DMRT1: variants seen among roughly 807,000 people sequenced by gnomAD.
The protein encoded by DMRT1 is doublesex- and mab-3-related transcription factor 1.
In DMRT1, 7 loss-of-function variants were observed where a neutral mutation model predicts 32.3. The observed-to-expected ratio is 0.22, with a 90% confidence interval of 0.12 to 0.41. The LOEUF is 0.41. DMRT1 is among the 10% of genes least tolerant of loss of function. DMRT1 has a pLI of 1.00. For synonymous variants in DMRT1, 278 were observed against 206.1 expected (o/e 1.35, Z -2.99); for missense variants, 625 against 500.5 (o/e 1.25, Z -2.37).
chr9:905,650 C>T (rs1233821931), intron 3 of DMRT1, among the ~76,000 whole-genome samples: 2 of 152,110 alleles, frequency 1.3e-5, no homozygotes, highest in African/African-American at 2.4e-5. Flanking sequence ...CCCGTTCTCC[C>T]GTTGACAGAA....
chr9:942,267 T>G (rs72701045), intron 4 of DMRT1, among the ~76,000 whole-genome samples: 8,351 of 152,190 alleles, frequency 0.055, 775 homozygotes, highest in African/African-American at 0.19. Flanking sequence ...AAGAGAAATA[T>G]CAATTTTCCT....
At chr9:883,294 T>C (rs1816803635) in intron 2 of DMRT1, among the ~76,000 whole-genome samples, 2 of 151,886 alleles carry the variant, frequency 1.3e-5, no homozygotes, top group South Asian at 2.1e-4. Context: ...CAAAAATCTC[T>C]TCCTGGGAGA....
intron 3 of DMRT1, 100 bp downstream of exon 3, chr9:894,295 G>A (rs998937938): frequency 1.1e-5 from 14 of 1,318,998 alleles, no homozygotes; most frequent in African/African-American, 4.4e-5. Flanking sequence ...GCACTTGTGC[G>A]CCCAGAGGCA....
intron 2 of DMRT1, among the ~76,000 whole-genome samples, chr9:858,368 T>C (rs1203438245): frequency 6.6e-6 from 1 of 152,134 alleles, no homozygotes; most frequent in African/African-American, 2.4e-5. Context: ...GTGTCATCAG[T>C]GTCACTTGCT....
intron 3 of DMRT1, among the ~76,000 whole-genome samples, chr9:901,859 A>T (rs990511723): frequency 6.7e-6 from 1 of 150,298 alleles, no homozygotes; most frequent in Non-Finnish European, 1.5e-5. Context: ...CCCTCACTCC[A>T]AGGCTGCCCT....
intron 1 of DMRT1, among the ~76,000 whole-genome samples, chr9:846,103 C>G (rs970014679): frequency 6.6e-6 from 1 of 150,630 alleles, no homozygotes; most frequent in African/African-American, 2.4e-5. Context: ...GCGATCTCGG[C>G]TCACTGCAAC....
Position 968,350 on chromosome 9 carries a change from C to G in DMRT1, c.*211C>G, listed in dbSNP as rs1249525236. On this transcript the variant is annotated 3_prime_UTR_variant, in exon 5 of 5. Coordinates refer to ENST00000382276, the MANE Select transcript of DMRT1 (RefSeq NM_021951.3). Reference sequence around the variant, plus strand: ...ATCTGCATGGTTTAAGTGCTTTACTCACGGAGTTTAAATAATAGTGTTCAT... The same window carrying G: ...ATCTGCATGGTTTAAGTGCTTTACTGACGGAGTTTAAATAATAGTGTTCAT... 2 of 566,890 alleles carry G rather than the reference C, an allele frequency of 3.5e-6. No individual in the cohort carries two copies. The highest frequency in any genetic ancestry group is 6.2e-6 in the Non-Finnish European group (2 of 320,732). 35.1% of individuals were successfully genotyped at this position (566,890 alleles called of 1,614,324 possible). A position where few individuals can be genotyped will look rare whatever the true frequency, so the allele number is the denominator to read the frequency against.
At chr9:876,650 G>T (rs1390930233) in intron 2 of DMRT1, among the ~76,000 whole-genome samples, 3 of 151,752 alleles carry the variant, frequency 2.0e-5, no homozygotes, top group African/African-American at 7.3e-5. Context: ...TCCCCACTCA[G>T]CCTCCTGAGT....
rs71327351 is a variant in DMRT1, at chr9:866,163, CAAAAAAAAAAAA to C, written c.538+19032_538+19043del. The stretch of plus-strand genomic sequence containing the variant: ...TGGGTGACAGAGTGAGAGTCCATCT[CAAAAAAAAAAAA>C]AAAAAAAAAAAGACAGTGGTGGGTG... On this transcript the variant is annotated intron_variant, in intron 2 of 4. Coordinates refer to ENST00000382276, the MANE Select transcript of DMRT1 (RefSeq NM_021951.3). Among the ~76,000 whole-genome samples the C allele has an allele frequency of 5.7e-5, 3 of 52,666 alleles. No individual in the cohort carries two copies. The East Asian group carries it at 2.2e-3, about 38-fold the overall frequency. 34.6% of individuals were successfully genotyped at this position (52,666 alleles called of 152,430 possible).
At chr9:876,635 A>T (rs1816511207) in intron 2 of DMRT1, among the ~76,000 whole-genome samples, 1 of 151,424 alleles carries the variant, frequency 6.6e-6, no homozygotes, top group Non-Finnish European at 1.5e-5. Flanking sequence ...AGCTCAAGTG[A>T]TCCTTCCCCA....
intron 2 of DMRT1, among the ~76,000 whole-genome samples, chr9:859,931 A>G (rs1030369976): frequency 1.3e-5 from 2 of 152,212 alleles, no homozygotes; most frequent in African/African-American, 2.4e-5. Context: ...ATGACTTTCA[A>G]TGTTGATTTC....
At chr9:863,944 T>A (rs144923909) in intron 2 of DMRT1, among the ~76,000 whole-genome samples, 1 of 152,118 alleles carries the variant, frequency 6.6e-6, no homozygotes, top group African/African-American at 2.4e-5. Flanking sequence ...CCCTTTTTGA[T>A]ATGAGGTGCA....
chr9:914,921 T>C (rs1376339150), intron 3 of DMRT1, among the ~76,000 whole-genome samples: 2 of 152,202 alleles, frequency 1.3e-5, no homozygotes, highest in Admixed American at 1.3e-4. Flanking sequence ...CCAGTGTTAG[T>C]TGGTGAATTG....
intron 4 of DMRT1, among the ~76,000 whole-genome samples, chr9:929,064 CCTGA>C: frequency 6.6e-6 from 1 of 152,178 alleles, no homozygotes; most frequent in South Asian, 2.1e-4. Context: ...GTCTCAAACT[CCTGA>C]TCTCAAGTGA....
intron 2 of DMRT1, among the ~76,000 whole-genome samples, chr9:874,998 G>C (rs965948193): frequency 1.3e-5 from 2 of 151,312 alleles, no homozygotes; most frequent in African/African-American, 4.9e-5. Flanking sequence ...TTTTAGTAGA[G>C]ACGGGGTTTC....
At chr9:967,901 G>A in intron 4 of DMRT1, 84 bp from the exon 5 acceptor site, 5 of 1,298,390 alleles carry the variant, frequency 3.9e-6, no homozygotes, top group Non-Finnish European at 5.5e-6. Flanking sequence ...TAACCTAATT[G>A]AATAATGAAT....
intron 4 of DMRT1, among the ~76,000 whole-genome samples, chr9:933,943 G>T (rs1335447329): frequency 1.3e-5 from 2 of 152,018 alleles, no homozygotes; most frequent in Non-Finnish European, 2.9e-5. Context: ...TCGGGTTGAG[G>T]AGCTGTTACT....
chr9:882,373 A>G (rs937939830), intron 2 of DMRT1, among the ~76,000 whole-genome samples: 17 of 152,092 alleles, frequency 1.1e-4, no homozygotes, highest in Admixed American at 5.9e-4. Flanking sequence ...TGTGCCTCGA[A>G]GCTCTTGTTG....
intron 4 of DMRT1, among the ~76,000 whole-genome samples, chr9:941,143 A>G (rs926622563): frequency 6.6e-6 from 1 of 152,208 alleles, no homozygotes; most frequent in African/African-American, 2.4e-5. Flanking sequence ...ATGAACCCAA[A>G]TTACCACATG....
Sources: allele counts gnomAD v4.1 joint callset (sites outside exome capture counted in the v4.1 genomes callset), GRCh38; gene constraint gnomAD v4.1.1; transcripts MANE v1.5; gene names NCBI Gene and HGNC (gene_info 2026-07-23, HGNC 2026-07-21).